ZFP64: variants seen among roughly 807,000 people sequenced by gnomAD.
ZFP64 encodes ZFP64 zinc finger protein.
In ZFP64, 14 loss-of-function variants were observed where a neutral mutation model predicts 51.6. That is an observed-to-expected ratio of 0.27 (90% confidence interval 0.18 to 0.42). ZFP64 has a LOEUF of 0.42. Among genes scored for constraint, ZFP64 ranks in the 10% least tolerant of loss-of-function variants. The pLI is 1.00. For synonymous variants in ZFP64, 375 were observed against 361.4 expected, an observed-to-expected ratio of 1.04 and a Z score of -0.43; for missense variants, 754 against 906.8, an observed-to-expected ratio of 0.83 and a Z score of 2.16.
chr20:52,109,509 G>C (rs1978434577), intron 5 of ZFP64, among the ~76,000 whole-genome samples: 1 of 152,130 alleles, frequency 6.6e-6, no homozygotes, highest in Non-Finnish European at 1.5e-5. Context: ...GCTGAGTGCG[G>C]TGGCTCATGC....
At chr20:52,142,317 G>A (rs375431624) in intron 5 of ZFP64, among the ~76,000 whole-genome samples, 1 of 151,232 alleles carries the variant, frequency 6.6e-6, no homozygotes, top group African/African-American at 2.4e-5. Flanking sequence ...GCAGTGAGCC[G>A]AGATTACGCC....
chr20:52,160,245 T>G lies in ZFP64; in HGVS notation c.641A>C (p.Asp214Ala). The G allele has an allele frequency of 1.9e-6, 3 of 1,614,136 alleles. No individual in the cohort carries two copies. The highest frequency in any genetic ancestry group is 2.5e-6 in the Non-Finnish European group (3 of 1,180,024). ...KCKTCDYAAA[D>A]SSSLNKHLRI... ...CAGGTGCTTGTTGAGGCTGCTGCTG[T>G]CGGCAGCGGCGTAGTCACACGTCTT... The change falls in exon 5 of 6, where the codon GAC becomes GCC. Residue 214 changes from aspartate to alanine, a missense_variant. Coordinates refer to ENST00000216923, the MANE Select transcript of ZFP64 (RefSeq NM_018197.3). The surrounding 1 kb of genome is among the most constrained non-coding windows in gnomAD (Gnocchi z 4.2).
At chr20:52,189,390 T>C (rs2123143625) in intron 1 of ZFP64, among the ~76,000 whole-genome samples, 1 of 138,318 alleles carries the variant, frequency 7.2e-6, no homozygotes, top group African/African-American at 2.8e-5. Flanking sequence ...CGAGACTTCA[T>C]CTCAAAAAAA....
In ZFP64 at chr20:52,171,994, G is replaced by A. The variant is rs577124325; in HGVS notation, c.287-5969C>T. Among the ~76,000 whole-genome samples, 20 of 152,246 alleles carry A rather than the reference G, an allele frequency of 1.3e-4. No individual in the cohort carries two copies. The East Asian group carries it at 3.5e-3, about 26-fold the overall frequency. On this transcript the variant is annotated intron_variant, in intron 2 of 5. Coordinates refer to ENST00000216923, the MANE Select transcript of ZFP64 (RefSeq NM_018197.3). ...CACTCCTGCCTCAGGTGATGTGCCCGCCTCGGCCTCCCAAAGTGTTGGGAT... is the reference window on the plus strand; with the variant it reads ...CACTCCTGCCTCAGGTGATGTGCCCACCTCGGCCTCCCAAAGTGTTGGGAT...
Position 52,133,719 on chromosome 20 carries a change from A to C in ZFP64, c.763+26404T>G, listed in dbSNP as rs930312353. 6.6e-5 allele frequency among the ~76,000 whole-genome samples: 10 copies of C among 152,212 alleles called. No homozygotes were observed. The South Asian group carries it at 8.3e-4, about 13-fold the overall frequency. ...CCCTTTGGTCCACTGTGCCTTGGGT[A>C]GTGGTTTCTGCCTTCTTCAAGAAGG... On this transcript the variant is annotated intron_variant, in intron 5 of 8. Transcript: ENST00000361387.
At chr20:52,122,839 A>T (rs542470296) in intron 5 of ZFP64, among the ~76,000 whole-genome samples, 143 of 152,348 alleles carry the variant, frequency 9.4e-4, no homozygotes, top group Non-Finnish European at 1.8e-3. Flanking sequence ...ACAGATGAGG[A>T]GTTGCTACTT....
Position 52,168,812 on chromosome 20 carries a change from A to T in ZFP64, c.287-2787T>A, listed in dbSNP as rs139942946. Among the ~76,000 whole-genome samples the T allele has an allele frequency of 9.6e-4, 147 of 152,354 alleles. 1 individual carries two copies. The highest frequency in any genetic ancestry group is 3.4e-3 in the African/African-American group (141 of 41,584). ...TCATCTTCAACTTGCTTCATCATGCAATATCTTGGAAGACATTTTAAACAG... is the reference window on the plus strand; with the variant it reads ...TCATCTTCAACTTGCTTCATCATGCTATATCTTGGAAGACATTTTAAACAG... On this transcript the variant is annotated intron_variant, in intron 2 of 5. Transcript: ENST00000216923.
chr20:52,188,234 A>T (rs1426106888), intron 1 of ZFP64, among the ~76,000 whole-genome samples: 1 of 151,812 alleles, frequency 6.6e-6, no homozygotes, highest in Non-Finnish European at 1.5e-5. Flanking sequence ...TCATTAGGCC[A>T]GTATAATTTG....
chr20:52,110,495 C>T, intron 5 of ZFP64: 2 of 705,978 alleles, frequency 2.8e-6, no homozygotes, highest in Non-Finnish European at 5.1e-6. Context: ...TCTGCCTAGT[C>T]TAAGATCTTC....
At chr20:52,093,597 G>A (rs1361303174) in intron 7 of ZFP64, among the ~76,000 whole-genome samples, 1 of 152,216 alleles carries the variant, frequency 6.6e-6, no homozygotes, top group Non-Finnish European at 1.5e-5. Flanking sequence ...AACAGTGCTG[G>A]AGACCCTCGT....
At chr20:52,176,025 C>T (rs1983181522) in intron 2 of ZFP64, 2 of 953,046 alleles carry the variant, frequency 2.1e-6, no homozygotes. Context: ...GAAGCCCTGA[C>T]CACGCCCCAG....
intron 7 of ZFP64, chr20:52,089,149 C>T: frequency 2.4e-6 from 1 of 413,694 alleles, no homozygotes; most frequent in Non-Finnish European, 4.8e-6. Flanking sequence ...AGAACACTTC[C>T]ATCCAGCCAT....
chr20:52,128,903 AC>A (rs1979572885), intron 5 of ZFP64, among the ~76,000 whole-genome samples: 1 of 146,586 alleles, frequency 6.8e-6, no homozygotes, highest in Non-Finnish European at 1.5e-5. Context: ...AGGAGCTCCG[AC>A]CTTTTTTTAA....
Position 52,153,000 on chromosome 20 carries a change from C to G in ZFP64, c.1192G>C (p.Val398Leu). The G allele has an allele frequency of 1.2e-6, 2 of 1,613,964 alleles. No individual in the cohort carries two copies. The highest frequency in any genetic ancestry group is 8.5e-7 in the Non-Finnish European group (1 of 1,180,044). ...TTCCTCTCTAGAGCCTCAGTCTTAACCATGTCCCCATGGAACTTCTTCATG... is the reference window on the plus strand; with the variant it reads ...TTCCTCTCTAGAGCCTCAGTCTTAAGCATGTCCCCATGGAACTTCTTCATG... ...KHMKKFHGDM[V>L]KTEALERKDT... Residue 398 changes from valine (V) to leucine (L), a missense_variant, in exon 6 of 6, where the codon GTT (valine) becomes CTT (leucine). Physicochemically the swap from Val to Leu is conservative, Grantham distance 32. Around this residue, in one of 3 missense-constraint regions of ZFP64, gnomAD observed 428 missense variants for 472.4 expected, o/e 0.91. Transcript: ENST00000216923.
chr20:52,151,867 T>C lies in ZFP64; in HGVS notation c.*279A>G, dbSNP rs3179314. The C allele has an allele frequency of 0.39, 366,763 of 949,434 alleles. 74,726 individuals are homozygous for C. The highest frequency in any genetic ancestry group is 0.41 in the Non-Finnish European group (301,250 of 736,086). The allele number at this position is 949,434 out of a possible 1,614,324, so 58.8% of individuals were successfully genotyped here. On this transcript the variant is annotated 3_prime_UTR_variant, in exon 6 of 6. Transcript: ENST00000216923. The stretch of plus-strand genomic sequence containing the variant: ...AGGAGTTCAACATGATGAAACCCCG[T>C]CTCTACTAAATATACAAAAATTAGC...
chr20:52,136,534 G>A (rs1479562133), intron 5 of ZFP64, among the ~76,000 whole-genome samples: 1 of 152,026 alleles, frequency 6.6e-6, no homozygotes, highest in Non-Finnish European at 1.5e-5. Context: ...AAAACTCAGA[G>A]TTTACATCAA....
chr20:52,175,950 G>A (rs531069705), intron 2 of ZFP64: 6 of 980,048 alleles, frequency 6.1e-6, no homozygotes, highest in South Asian at 9.5e-5. Context: ...GGCCTTTACC[G>A]TCCACAGTGG....
intron 5 of ZFP64, among the ~76,000 whole-genome samples, chr20:52,117,140 T>C (rs934055884): frequency 1.3e-5 from 2 of 152,216 alleles, no homozygotes; most frequent in Non-Finnish European, 2.9e-5. Context: ...CTTGCACTGC[T>C]TTCCTGATTC....
chr20:52,088,194 C>A (rs2078884344), intron 8 of ZFP64: 1 of 814,450 alleles, frequency 1.2e-6, no homozygotes. Context: ...GATATAAAAC[C>A]CAGCTGTCAG....
Sources: gnomAD v4.1 joint callset for allele counts (sites outside exome capture counted in the v4.1 genomes callset) on GRCh38, gnomAD v4.1.1 for gene constraint, gnomAD v4.1.1 regional missense constraint, Gnocchi (gnomAD v3.1) non-coding constraint, MANE v1.5 for transcripts, NCBI Gene and HGNC (gene_info 2026-07-23, HGNC 2026-07-21) for gene names.